The following COPG2 variants were observed in gnomAD, a reference collection of about 807,000 sequenced individuals.
COPG2 encodes the protein coat protein complex I subunit gamma 2, also known as coatomer subunit gamma-2.
Under a neutral mutation model 46.3 loss-of-function variants are expected in COPG2, and 37 were observed. That is an observed-to-expected ratio of 0.80 (90% CI 0.61 to 1.05). COPG2 has a LOEUF of 1.05. COPG2 is among the 50% of genes least tolerant of loss of function. The pLI, the probability that COPG2 is intolerant of heterozygous loss-of-function variation, is 0.00. For missense variants in COPG2, 427 were observed against 387.8 expected, an observed-to-expected ratio of 1.10 and a Z score of -0.85; for synonymous variants, 159 against 129.7, an observed-to-expected ratio of 1.23 and a Z score of -1.53.
At chr7:130,556,766 G>A (rs1253021229) in intron 12 of COPG2, among the ~76,000 whole-genome samples, 1 of 151,986 alleles carries the variant, frequency 6.6e-6, no homozygotes, top group Non-Finnish European at 1.5e-5. Flanking sequence ...TCACATTCAT[G>A]AGTCAAAGGA....
intron 12 of COPG2, among the ~76,000 whole-genome samples, chr7:130,557,357 T>C (rs1399364147): frequency 1.3e-5 from 2 of 152,190 alleles, no homozygotes; most frequent in African/African-American, 4.8e-5. Flanking sequence ...TAAAAGCAGA[T>C]TTGAACAAAT....
chr7:130,514,884 C>T (rs1403538156), intron 20 of COPG2, among the ~76,000 whole-genome samples: 1 of 152,140 alleles, frequency 6.6e-6, no homozygotes, highest in African/African-American at 2.4e-5. Context: ...TCAGAATGGG[C>T]CCAACTGGCC....
At chr7:130,668,548 C>A in intron 1 of COPG2, 84 bp downstream of exon 1, 2 of 1,347,356 alleles carry the variant, frequency 1.5e-6, no homozygotes, top group Non-Finnish European at 2.0e-6. Flanking sequence ...CGCCCCCAGC[C>A]CCGCCGGCCT....
At chr7:130,541,955 G>A (rs1156575227) in intron 20 of COPG2, among the ~76,000 whole-genome samples, 1 of 128,598 alleles carries the variant, frequency 7.8e-6, no homozygotes, top group Non-Finnish European at 1.6e-5. Flanking sequence ...CAGGAGAAAC[G>A]ACCAACCTGG....
intron 20 of COPG2, among the ~76,000 whole-genome samples, chr7:130,514,534 G>GAA (rs1799662107): frequency 6.6e-6 from 1 of 152,208 alleles, no homozygotes; most frequent in Non-Finnish European, 1.5e-5. Context: ...ATTTGGCTAG[G>GAA]AAGTGCCATT....
intron 9 of COPG2, among the ~76,000 whole-genome samples, chr7:130,592,078 G>A (rs1218724991): frequency 6.6e-6 from 1 of 152,190 alleles, no homozygotes; most frequent in East Asian, 1.9e-4. Flanking sequence ...TCTGCCTTGG[G>A]ATCCTGTTGA....
chr7:130,649,244 G>C (rs375790770), intron 5 of COPG2, among the ~76,000 whole-genome samples: 2 of 152,166 alleles, frequency 1.3e-5, no homozygotes, highest in South Asian at 4.1e-4. Context: ...TGACTCCTTT[G>C]GCTTTTTCTT....
At chr7:130,613,827 T>C (rs570034230) in intron 6 of COPG2, among the ~76,000 whole-genome samples, 191 bp from the exon 7 acceptor site, 1 of 152,254 alleles carries the variant, frequency 6.6e-6, no homozygotes, top group South Asian at 2.1e-4. Context: ...AGTTGAAGCT[T>C]TAAGAAAGAA....
intron 5 of COPG2, among the ~76,000 whole-genome samples, chr7:130,621,943 CAAAA>C (rs562107230): frequency 2.2e-3 from 146 of 67,532 alleles, no homozygotes; most frequent in African/African-American, 6.1e-3. Context: ...GACTCCATCT[CAAAA>C]AAAAAAAAAA....
In COPG2 at chr7:130,602,083, G is replaced by A. The variant is rs562559107; in HGVS notation, c.737+8870C>T. Reference sequence around the variant, plus strand: ...CGAGGGAGGGACCTTGAATCAAACTGGACAGATTCTCTCAGATCCCTGACC... The same window carrying A: ...CGAGGGAGGGACCTTGAATCAAACTAGACAGATTCTCTCAGATCCCTGACC... On this transcript the variant is annotated intron_variant, in intron 9 of 23. Transcript: ENST00000425248. 8.0e-4 allele frequency among the ~76,000 whole-genome samples: 122 copies of A among 152,274 alleles called. 1 individual carries two copies. The South Asian group carries it at 9.3e-3, about 12-fold the overall frequency.
chr7:130,668,688 C>T lies in COPG2; in HGVS notation c.-20G>A, dbSNP rs1554462096. 2.6e-6 allele frequency: 4 copies of T among 1,527,076 alleles called. No individual in the cohort carries two copies. Among genetic ancestry groups the T allele is most frequent in the Non-Finnish European group, 2.6e-6 (3 of 1,138,328 alleles). The allele number at this position is 1,527,076 out of a possible 1,614,324, so 94.6% of individuals were successfully genotyped here. A position where few individuals can be genotyped will look rare whatever the true frequency, so the allele number is the denominator to read the frequency against. ...AATCATCTTGGACGACTTCCCAGCG[C>T]CCAGACCCACCGCAACCGTCCCAGG... On this transcript the variant is annotated 5_prime_UTR_variant, in exon 1 of 24. Transcript: ENST00000425248.
chr7:130,546,550 G>T (rs1127302), intron 20 of COPG2, among the ~76,000 whole-genome samples: 33,060 of 152,086 alleles, frequency 0.22, 3,969 homozygotes, highest in African/African-American at 0.3. Flanking sequence ...GGTGGCTAAA[G>T]AATAGAAGTA....
intron 20 of COPG2, among the ~76,000 whole-genome samples, chr7:130,511,263 A>G (rs1799590914): frequency 6.6e-6 from 1 of 151,728 alleles, no homozygotes; most frequent in East Asian, 1.9e-4. Flanking sequence ...TTAGAATAAT[A>G]ATTAAAGAAA....
At chr7:130,563,735 GAC>G (rs1361498139) in intron 10 of COPG2, among the ~76,000 whole-genome samples, 1 of 111,330 alleles carries the variant, frequency 9.0e-6, no homozygotes, top group Non-Finnish European at 1.7e-5. Context: ...CTGCCTCAGT[GAC>G]AGAGTGAGAC....
intron 20 of COPG2, among the ~76,000 whole-genome samples, chr7:130,512,042 C>CA (rs1799603942): frequency 8.3e-6 from 1 of 120,660 alleles, no homozygotes; most frequent in Admixed American, 9.9e-5. Flanking sequence ...TGGTGAAACA[C>CA]TGTGTCTTCT....
chr7:130,616,915 C>T, intron 6 of COPG2, 75 bp downstream of exon 6: 2 of 885,506 alleles, frequency 2.3e-6, no homozygotes, highest in Non-Finnish European at 3.5e-6. Flanking sequence ...ACTAGGAAAT[C>T]CTACTAAATC....
chr7:130,509,036 AAAAC>A (rs1370278128), intron 20 of COPG2: 3 of 479,438 alleles, frequency 6.3e-6, no homozygotes, highest in Non-Finnish European at 1.2e-5. Flanking sequence ...ACCAAAAAAA[AAAAC>A]AAAAAAAAAA....
intron 15 of COPG2, 73 bp downstream of exon 15, chr7:130,552,282 G>A: frequency 2.5e-6 from 1 of 396,678 alleles, no homozygotes; most frequent in Non-Finnish European, 4.4e-6. Flanking sequence ...CCGCCCTATG[G>A]TAGAATGAGG....
chr7:130,608,049 G>A (rs1219931481), intron 9 of COPG2: 1 of 335,048 alleles, frequency 3.0e-6, no homozygotes, highest in Non-Finnish European at 5.8e-6. Flanking sequence ...TTGGAAGGAG[G>A]AAGCTCAACT....
Sources: gnomAD v4.1 joint callset for allele counts (sites outside exome capture counted in the v4.1 genomes callset) on GRCh38, gnomAD v4.1.1 for gene constraint, MANE v1.5 for transcripts, NCBI Gene and HGNC (gene_info 2026-07-23, HGNC 2026-07-21) for gene names.